Variants in SERPINB11 observed in about 807,000 individuals in gnomAD.
SERPINB11 encodes serpin family B member 11.
A neutral mutation model predicts 36.7 loss-of-function variants in SERPINB11; 32 were observed. The ratio of observed to expected loss-of-function variants is 0.87; its 90% CI spans 0.66 to 1.17. SERPINB11 has a LOEUF of 1.17. SERPINB11 is among the 50% of genes most tolerant of loss of function. The pLI, the probability that SERPINB11 is intolerant of heterozygous loss-of-function variation, is 0.00. For missense variants in SERPINB11, 528 were observed against 458.4 expected, an observed-to-expected ratio of 1.15 and a Z score of -1.39; for synonymous variants, 174 against 168.1, an observed-to-expected ratio of 1.04 and a Z score of -0.27.
Position 63,710,173 on chromosome 18 carries a change from T to C in SERPINB11, c.-15-6T>C. 6.3e-7 allele frequency: 1 copy of C among 1,595,208 alleles called. No homozygotes were observed. Among genetic ancestry groups the C allele is most frequent in the Non-Finnish European group, 8.5e-7 (1 of 1,171,058 alleles). ...GTTCTGAGAATTTTTTCCCTTCTGT[T>C]CTCAGGCAGTCGGCATAAAAATGGG... On this transcript the variant is annotated splice_polypyrimidine_tract_variant and splice_region_variant and intron_variant, in intron 1 of 7. Coordinates refer to ENST00000544088, the MANE Select transcript of SERPINB11 (RefSeq NM_001370475.1).
At chr18:63,707,042 G>T (rs1320552494) in intron 1 of SERPINB11, among the ~76,000 whole-genome samples, 3 of 152,142 alleles carry the variant, frequency 2.0e-5, no homozygotes, top group Non-Finnish European at 4.4e-5. Context: ...TTTCTCGTAA[G>T]AATTATGACA....
intron 4 of SERPINB11, among the ~76,000 whole-genome samples, chr18:63,715,710 G>C (rs899111831): frequency 1.4e-4 from 22 of 152,162 alleles, no homozygotes; most frequent in Non-Finnish European, 2.5e-4. Context: ...CTACTTTGAA[G>C]AGGAAAGAGT....
intron 3 of SERPINB11, among the ~76,000 whole-genome samples, chr18:63,712,085 G>C (rs1047251863): frequency 6.6e-6 from 1 of 152,126 alleles, no homozygotes; most frequent in African/African-American, 2.4e-5. Flanking sequence ...CAAAGCTGCA[G>C]CTTAGCAGAA....
chr18:63,723,209 A>T lies in SERPINB11; in HGVS notation c.989A>T (p.Lys330Ile). The change falls in exon 8 of 8, where the codon AAA (lysine) becomes ATA (isoleucine). Residue 330 changes from lysine (K) to isoleucine (I), a missense_variant. By Grantham distance (102) the Lys-to-Ile change is moderately radical. Transcript: ENST00000544088. The stretch of plus-strand genomic sequence containing the variant: ...CCAACCAAGGGCCTATATTTATCAA[A>T]AGCCATCCACAAGTCATACCTGGAT... ...MSPTKGLYLS[K>I]AIHKSYLDVS... 1 of 1,613,864 alleles carries T rather than the reference A, an allele frequency of 6.2e-7. No individual in the cohort carries two copies. The highest frequency in any genetic ancestry group is 8.5e-7 in the Non-Finnish European group (1 of 1,179,824).
chr18:63,714,395 G>T (rs188512343), intron 4 of SERPINB11, among the ~76,000 whole-genome samples: 2 of 152,248 alleles, frequency 1.3e-5, no homozygotes, highest in Admixed American at 1.3e-4. Flanking sequence ...TTATCAGGAG[G>T]CAGGGTTTGA....
At chr18:63,714,154 C>A (rs570403889) in intron 4 of SERPINB11, among the ~76,000 whole-genome samples, 2 of 151,930 alleles carry the variant, frequency 1.3e-5, no homozygotes, top group African/African-American at 4.8e-5. Flanking sequence ...GCTGGGTGCC[C>A]GGGAGAGACA....
In SERPINB11 at chr18:63,720,986, G is replaced by A. The variant is rs1914799189; in HGVS notation, c.774G>A (p.Gln258=). ...CAGTAGGCATAGCTAATCTGAAACA[G>A]GTAAAATTATAAGAATGCTATAATG... ...LLPVGIANLK[Q]IEKQLNSGTF... is the part of the protein sequence containing the mutation. Residue 258 remains glutamine, a splice_region_variant and synonymous_variant, in exon 7 of 8, where the codon CAG becomes CAA. Coordinates refer to ENST00000544088, the MANE Select transcript of SERPINB11 (RefSeq NM_001370475.1). 1 of 1,605,728 alleles carries A rather than the reference G, an allele frequency of 6.2e-7. No individual in the cohort carries two copies. Among genetic ancestry groups the A allele is most frequent in the East Asian group, 2.2e-5 (1 of 44,720 alleles).
In SERPINB11 at chr18:63,718,640, T is replaced by C. The variant is rs186852541; in HGVS notation, c.476-1373T>C. Among the ~76,000 whole-genome samples the C allele has an allele frequency of 2.6e-5, 4 of 152,174 alleles. No homozygotes were observed. The East Asian group carries it at 7.7e-4, about 29-fold the overall frequency. ...CATTGCTGAATTCACTTAATAATTC[T>C]AGTTTAGCTTTATATTATTTTAGAT... On this transcript the variant is annotated intron_variant, in intron 5 of 7. Transcript: ENST00000544088.
chr18:63,716,408 A>G (rs986836032), intron 5 of SERPINB11, among the ~76,000 whole-genome samples: 1 of 152,330 alleles, frequency 6.6e-6, no homozygotes, highest in Admixed American at 6.5e-5. Flanking sequence ...TTAAATTTAA[A>G]TTTACTTTTC....
intron 5 of SERPINB11, among the ~76,000 whole-genome samples, chr18:63,718,313 A>T (rs1914720197): frequency 6.6e-6 from 1 of 152,020 alleles, no homozygotes; most frequent in Non-Finnish European, 1.5e-5. Context: ...TTAGCTTGTT[A>T]ACTTCCATAG....
At chr18:63,707,187 A>T (rs1292010874) in intron 1 of SERPINB11, among the ~76,000 whole-genome samples, 1 of 152,228 alleles carries the variant, frequency 6.6e-6, no homozygotes, top group Non-Finnish European at 1.5e-5. Context: ...TCTGCATTAA[A>T]GCAAGTTCTC....
intron 4 of SERPINB11, 87 bp from the exon 5 acceptor site, chr18:63,715,948 T>TTCTCTAAAATTC: frequency 1.3e-6 from 1 of 752,358 alleles, no homozygotes; most frequent in Non-Finnish European, 2.1e-6. Flanking sequence ...TTTCTCTGCA[T>TTCTCTAAAATTC]TAGAATTTTA....
At chr18:63,703,507 A>G (rs1458520995) in intron 1 of SERPINB11, among the ~76,000 whole-genome samples, 6 of 152,212 alleles carry the variant, frequency 3.9e-5, no homozygotes, top group Non-Finnish European at 7.3e-5. Context: ...GTAAAATATA[A>G]TGGTTTATGT....
intron 5 of SERPINB11, among the ~76,000 whole-genome samples, chr18:63,718,097 A>G (rs1914714757): frequency 6.6e-6 from 1 of 152,014 alleles, no homozygotes; most frequent in South Asian, 2.1e-4. Flanking sequence ...TTTATCATAA[A>G]TTAGATGACC....
At chr18:63,722,190 A>G (rs1388008571) in intron 7 of SERPINB11, among the ~76,000 whole-genome samples, 1 of 152,190 alleles carries the variant, frequency 6.6e-6, no homozygotes, top group Non-Finnish European at 1.5e-5. Flanking sequence ...TGACAAAAGG[A>G]AAAGATACTT....
Position 63,703,773 on chromosome 18 carries a change from C to T in SERPINB11, c.-16+767C>T, listed in dbSNP as rs565465185. On this transcript the variant is annotated intron_variant, in intron 1 of 7. Transcript: ENST00000544088. ...TCCCCCAAAAGGACAGAACCAGACCCTCCGTCTGTTGCAGTCCTTCAGTGT... is the reference window on the plus strand; with the variant it reads ...TCCCCCAAAAGGACAGAACCAGACCTTCCGTCTGTTGCAGTCCTTCAGTGT... 6.6e-5 allele frequency among the ~76,000 whole-genome samples: 10 copies of T among 152,312 alleles called. No individual in the cohort carries two copies. In the South Asian group the frequency reaches 1.5e-3, roughly 22 times the overall value.
chr18:63,719,189 C>G (rs144543162), intron 5 of SERPINB11, among the ~76,000 whole-genome samples: 251 of 152,140 alleles, frequency 1.6e-3, no homozygotes, highest in Admixed American at 3.2e-3. Context: ...CATTAGGGAT[C>G]CACATGTTAT....
chr18:63,702,777 C>A (rs1193358237), upstream of SERPINB11: 1 of 152,188 alleles, frequency 6.6e-6, no homozygotes, highest in African/African-American at 2.4e-5. Context: ...TTCCAAAGTG[C>A]TGGGATTACA....
At chr18:63,710,404 T>C (rs1336385738) in intron 2 of SERPINB11, 43 bp downstream of exon 2, 1 of 1,537,312 alleles carries the variant, frequency 6.5e-7, no homozygotes, top group Non-Finnish European at 8.8e-7. Context: ...CAGAAGTCTT[T>C]CATGCTCCCG....
Sources: gnomAD v4.1 joint callset for allele counts (sites outside exome capture counted in the v4.1 genomes callset) on GRCh38, gnomAD v4.1.1 for gene constraint, MANE v1.5 for transcripts, NCBI Gene and HGNC (gene_info 2026-07-23, HGNC 2026-07-21) for gene names.